The following GLT8D2 variants were observed in gnomAD, a reference collection of about 807,000 sequenced individuals.
GLT8D2 encodes the protein glycosyltransferase 8 domain-containing protein 2.
Under a neutral mutation model 44.5 loss-of-function variants are expected in GLT8D2, and 45 were observed. The observed-to-expected ratio is 1.01, with a 90% confidence interval of 0.80 to 1.30. GLT8D2 has a LOEUF of 1.30. Ranked by LOEUF, GLT8D2 falls within the 50% of genes most tolerant of loss-of-function variation. The probability of loss-of-function intolerance (pLI) is 0.00; values close to 1 mark genes in which losing one functional copy is unlikely to be tolerated. For missense variants in GLT8D2, 400 were observed against 430.4 expected, an observed-to-expected ratio of 0.93 and a Z score of 0.62; for synonymous variants, 156 against 157.2, an observed-to-expected ratio of 0.99 and a Z score of 0.06.
intron 1 of GLT8D2, among the ~76,000 whole-genome samples, chr12:104,043,329 C>T (rs1032366183): frequency 4.6e-5 from 7 of 152,194 alleles, no homozygotes; most frequent in Non-Finnish European, 8.8e-5. Context: ...AGCCATCTCA[C>T]ATGGATTCCA....
At chr12:104,012,088 T>A (rs1875903989) in intron 4 of GLT8D2, among the ~76,000 whole-genome samples, 2 of 148,774 alleles carry the variant, frequency 1.3e-5, no homozygotes, top group South Asian at 4.2e-4. Context: ...GGAGAATCAC[T>A]TGAACCCAGA....
At chr12:104,050,587 G>C (rs1227777663), upstream of GLT8D2, among the ~76,000 whole-genome samples, 54 of 152,114 alleles carry the variant, frequency 3.5e-4, no homozygotes, top group Non-Finnish European at 8.8e-5. Flanking sequence ...GAGGAATGAG[G>C]CAGGGAGCTG....
intron 10 of GLT8D2, among the ~76,000 whole-genome samples, chr12:103,990,898 C>T (rs549965164): frequency 6.6e-6 from 1 of 152,278 alleles, no homozygotes; most frequent in East Asian, 1.9e-4. Context: ...GAGGGGCTTG[C>T]AGTTTGGGTG....
At chr12:104,029,297 A>T (rs903082496) in intron 1 of GLT8D2, among the ~76,000 whole-genome samples, 6 of 152,152 alleles carry the variant, frequency 3.9e-5, no homozygotes, top group African/African-American at 1.2e-4. Context: ...TCAAAAAAAA[A>T]AGTGTAAACC....
chr12:103,997,456 A>C lies in GLT8D2; in HGVS notation c.482T>G (p.Val161Gly). ...TTGGCAGTTAGCGAGAGTACCTTGT[A>C]CAATTACATCATCGTCCAAATAGAT... ...KVIYLDDDVI[V>G]QGDIQELYDT... The change falls in exon 7 of 11, where the codon GTA becomes GGA. Residue 161 changes from valine to glycine, a missense_variant. By Grantham distance (109) the Val-to-Gly change is moderately radical (BLOSUM62 -3). Coordinates refer to ENST00000360814, the MANE Select transcript of GLT8D2 (RefSeq NM_001384711.1). The C allele has an allele frequency of 6.2e-7, 1 of 1,609,800 alleles. No individual in the cohort carries two copies. Among genetic ancestry groups the C allele is most frequent in the Non-Finnish European group, 8.5e-7 (1 of 1,176,010 alleles).
chr12:103,994,598 T>G, intron 8 of GLT8D2, 97 bp from the exon 9 acceptor site: 1 of 1,144,362 alleles, frequency 8.7e-7, no homozygotes, highest in South Asian at 1.7e-5. Flanking sequence ...ATCTTTGGGT[T>G]TCCTCCTGTG....
intron 1 of GLT8D2, among the ~76,000 whole-genome samples, chr12:104,048,044 A>G (rs2136507854): frequency 6.6e-6 from 1 of 152,364 alleles, no homozygotes; most frequent in South Asian, 2.1e-4. Context: ...CGTTGCAGAA[A>G]AAGTTTGCTG....
At chr12:104,049,005 A>G (rs974645496) in intron 1 of GLT8D2, among the ~76,000 whole-genome samples, 1 of 152,220 alleles carries the variant, frequency 6.6e-6, no homozygotes. Context: ...TTACCACTGC[A>G]TTGCACAGTC....
At chr12:104,012,546 G>A (rs1270883421) in intron 4 of GLT8D2, 1 of 372,642 alleles carries the variant, frequency 2.7e-6, no homozygotes, top group Non-Finnish European at 4.8e-6. Context: ...GGGATTAGCT[G>A]AGTGAATGTG....
At chr12:104,061,296 GTTCAAGGGTACTTGGGCT>G (rs1882623856) in intron 1 of GLT8D2, among the ~76,000 whole-genome samples, 1 of 152,078 alleles carries the variant, frequency 6.6e-6, no homozygotes, top group African/African-American at 2.4e-5. Context: ...TTTTCTCCTA[GTTCAAGGGTACTTGGGCT>G]TTCAAATATC....
chr12:104,042,286 C>T (rs1880644977), intron 1 of GLT8D2, among the ~76,000 whole-genome samples: 1 of 152,180 alleles, frequency 6.6e-6, no homozygotes, highest in African/African-American at 2.4e-5. Flanking sequence ...TTGCATGGGG[C>T]CATAATGGCT....
upstream of GLT8D2, among the ~76,000 whole-genome samples, chr12:104,052,607 C>T (rs140132080): frequency 3.8e-4 from 58 of 152,278 alleles, no homozygotes; most frequent in East Asian, 0.01. Context: ...AAATTTGCTG[C>T]CTGTGTAGAA....
In GLT8D2 at chr12:103,989,584, T is replaced by C. The variant is rs1468866137; in HGVS notation, c.881-7A>G. ...CTGGCATCTGGATTCCAGCCTTCAT[T>C]GTGTATAGAGAAAAAATAATAGGCT... On this transcript the variant is annotated splice_region_variant and splice_polypyrimidine_tract_variant and intron_variant, in intron 10 of 10. Transcript: ENST00000360814. The C allele has an allele frequency of 3.1e-6, 5 of 1,602,858 alleles. No individual in the cohort carries two copies. The South Asian group carries it at 4.5e-5, about 14-fold the overall frequency.
intron 1 of GLT8D2, among the ~76,000 whole-genome samples, chr12:104,048,248 C>T (rs556790850): frequency 6.6e-6 from 1 of 152,334 alleles, no homozygotes; most frequent in South Asian, 2.1e-4. Flanking sequence ...GCAGAGTGTG[C>T]TCCTAGAAAT....
chr12:104,002,275 G>A (rs1355423370), intron 5 of GLT8D2, among the ~76,000 whole-genome samples: 1 of 152,072 alleles, frequency 6.6e-6, no homozygotes, highest in Non-Finnish European at 1.5e-5. Flanking sequence ...ACCTTTTCAT[G>A]TTTATTGGCC....
Position 104,022,023 on chromosome 12 carries a change from A to AAGAAGAAG in GLT8D2, c.-163-533_-163-532insCTTCTTCT, listed in dbSNP as rs1566202777. Reference sequence around the variant, plus strand: ...AGAAGAAGAAGAAGAAGAAGAAGAAAAAGAAGAAGAAGAAGAAGAAGAAGA... The same window carrying AAGAAGAAG: ...AGAAGAAGAAGAAGAAGAAGAAGAAAAGAAGAAGAAGAAGAAGAAGAAGAAGAAGAAGA... On this transcript the variant is annotated intron_variant, in intron 1 of 10. Transcript: ENST00000360814. 1.5e-3 allele frequency among the ~76,000 whole-genome samples: 41 copies of AAGAAGAAG among 27,348 alleles called. 14 individuals carry two copies. The highest frequency in any genetic ancestry group is 6.2e-3 in the Admixed American group (14 of 2,274). The allele number at this position is 27,348 out of a possible 152,430, so 17.9% of individuals were successfully genotyped here. A position where few individuals can be genotyped will look rare whatever the true frequency, so the allele number is the denominator to read the frequency against.
chr12:104,064,241 G>A, upstream of GLT8D2: 2 of 284,362 alleles, frequency 7.0e-6, no homozygotes, highest in Non-Finnish European at 1.3e-5. This position sits in a 1 kb window ranked among gnomAD's most constrained non-coding sequence, Gnocchi z 7.3. Flanking sequence ...AAAGGAAGAT[G>A]CTGTGGCTTC....
chr12:104,008,758 C>T (rs1172079134), intron 4 of GLT8D2, among the ~76,000 whole-genome samples: 2 of 152,234 alleles, frequency 1.3e-5, no homozygotes, highest in African/African-American at 4.8e-5. Context: ...TCCTGTGCTG[C>T]ATGCAGCCTA....
At chr12:104,011,377 C>T (rs754615999) in intron 4 of GLT8D2, among the ~76,000 whole-genome samples, 6 of 152,308 alleles carry the variant, frequency 3.9e-5, no homozygotes, top group South Asian at 2.1e-4. Flanking sequence ...TGCCTTCGTC[C>T]ATTCCATAAG....
Sources: gnomAD v4.1 joint callset for allele counts (sites outside exome capture counted in the v4.1 genomes callset) on GRCh38, gnomAD v4.1.1 for gene constraint, Gnocchi (gnomAD v3.1) non-coding constraint, MANE v1.5 for transcripts, NCBI Gene and HGNC (gene_info 2026-07-23, HGNC 2026-07-21) for gene names.